Variants in CASP9 observed in about 807,000 individuals in gnomAD.
CASP9 encodes the protein caspase 9.
Under a neutral mutation model 43.5 loss-of-function variants are expected in CASP9, and 29 were observed. The observed-to-expected ratio is 0.67, with a 90% CI of 0.50 to 0.91. CASP9 has a LOEUF of 0.91. CASP9 is among the 40% of genes least tolerant of loss of function. The pLI is 0.00. For synonymous variants in CASP9, 206 were observed against 211.9 expected, an observed-to-expected ratio of 0.97 and a Z score of 0.24; for missense variants, 575 against 537.4, an observed-to-expected ratio of 1.07 and a Z score of -0.69.
intron 8 of CASP9, chr1:15,493,429 GGC>G: frequency 8.0e-7 from 1 of 1,247,776 alleles, no homozygotes; most frequent in Non-Finnish European, 1.0e-6. Flanking sequence ...AGTAGGACTG[GGC>G]CTATCAGGCC....
At chr1:15,505,399 C>T (rs918948421) in intron 5 of CASP9, among the ~76,000 whole-genome samples, 10 of 152,280 alleles carry the variant, frequency 6.6e-5, no homozygotes, top group East Asian at 5.8e-4. Context: ...CAGACCTTTG[C>T]GGTTTGTCAA....
intron 2 of CASP9, among the ~76,000 whole-genome samples, chr1:15,509,310 A>G (rs1709644815): frequency 6.6e-6 from 1 of 152,084 alleles, no homozygotes; most frequent in African/African-American, 2.4e-5. Flanking sequence ...TGATACACGC[A>G]ATGCGGGATA....
rs883664 is a variant in CASP9 at position 15,492,558 on chromosome 1, G to C, written c.*385C>G. 1.6e-3 allele frequency: 300 copies of C among 188,864 alleles called. 1 individual carries two copies. The highest frequency in any genetic ancestry group is 6.7e-3 in the African/African-American group (287 of 42,932). 11.7% of individuals were successfully genotyped at this position (188,864 alleles called of 1,614,324 possible). A position where few individuals can be genotyped will look rare whatever the true frequency, so the allele number is the denominator to read the frequency against. On this transcript the variant is annotated 3_prime_UTR_variant, in exon 9 of 9. Coordinates refer to ENST00000333868, the MANE Select transcript of CASP9 (RefSeq NM_001229.5). ...GACGCGTTACTGGCATTGAGGCAAG[G>C]GACAGTGCTGAACATCCCACAATGT... is the stretch of plus-strand genomic sequence containing the variant.
chr1:15,493,106 T>TG (rs1708953232), intron 8 of CASP9, 71 bp from the exon 9 acceptor site: 3 of 1,599,632 alleles, frequency 1.9e-6, no homozygotes. Context: ...CAAGAGGGGC[T>TG]GGGGGGAATG....
intron 6 of CASP9, among the ~76,000 whole-genome samples, chr1:15,497,021 G>T (rs940118630): frequency 7.2e-5 from 11 of 151,978 alleles, no homozygotes; most frequent in Non-Finnish European, 1.6e-4. Context: ...TCTCAAAAAA[G>T]AAAAAGAGCC....
In CASP9 at chr1:15,508,435, G is replaced by A. The variant is rs185489918; in HGVS notation, c.419-528C>T. On this transcript the variant is annotated intron_variant, in intron 2 of 8. Transcript: ENST00000333868. The stretch of plus-strand genomic sequence containing the variant: ...CTTTTTTCTTTTTCTTTTTTGAGAC[G>A]GAGTTTCACTCTTGTCGCCCAGGCA... Among the ~76,000 whole-genome samples the A allele has an allele frequency of 3.3e-4, 50 of 151,238 alleles. No homozygotes were observed. The East Asian group carries it at 8.4e-3, about 25-fold the overall frequency.
chr1:15,524,779 C>T (rs28457091), upstream of CASP9: 5 of 1,009,832 alleles, frequency 5.0e-6, no homozygotes, highest in African/African-American at 7.1e-5. Flanking sequence ...GCCCACTCCC[C>T]GGGACGCATC....
chr1:15,494,928 C>T (rs1239593877), intron 7 of CASP9, among the ~76,000 whole-genome samples: 2 of 151,730 alleles, frequency 1.3e-5, no homozygotes, highest in African/African-American at 2.4e-5. Context: ...CTACGTGCCC[C>T]GCACTGTGCT....
chr1:15,524,785 G>A (rs1710385155), upstream of CASP9: 1 of 992,918 alleles, frequency 1.0e-6, no homozygotes, highest in Non-Finnish European at 1.2e-6. Flanking sequence ...TCCCCGGGAC[G>A]CATCTAGAAG....
chr1:15,510,131 TG>T (rs1709700939), intron 2 of CASP9, among the ~76,000 whole-genome samples: 1 of 152,182 alleles, frequency 6.6e-6, no homozygotes, highest in Non-Finnish European at 1.5e-5. Flanking sequence ...GGTTTCACCA[TG>T]TTAGCCAGGC....
chr1:15,501,650 G>A (rs374192928), intron 6 of CASP9, among the ~76,000 whole-genome samples: 2 of 152,222 alleles, frequency 1.3e-5, no homozygotes, highest in Non-Finnish European at 2.9e-5. Context: ...GCAAGGACCC[G>A]ACTCCAAAGG....
At chr1:15,502,127 G>C (rs1709352682) in intron 6 of CASP9, among the ~76,000 whole-genome samples, 1 of 152,134 alleles carries the variant, frequency 6.6e-6, no homozygotes, top group African/African-American at 2.4e-5. Flanking sequence ...CCAGGCTGGG[G>C]GCCTGGCTGC....
At chr1:15,518,065 G>T (rs2103373953) in intron 2 of CASP9, 45 bp downstream of exon 2, 1 of 1,598,216 alleles carries the variant, frequency 6.3e-7, no homozygotes, top group Non-Finnish European at 8.6e-7. Flanking sequence ...AGTCCCAAAT[G>T]ACTACGTGTC....
intron 6 of CASP9, among the ~76,000 whole-genome samples, chr1:15,497,101 G>T (rs1287384445): frequency 1.3e-5 from 2 of 151,064 alleles, no homozygotes; most frequent in Admixed American, 1.3e-4. Flanking sequence ...CCTGAGGTCA[G>T]GAGTTTGAAA....
chr1:15,524,320 C>A, upstream of CASP9: 1 of 1,448,920 alleles, frequency 6.9e-7, no homozygotes, highest in Non-Finnish European at 9.0e-7. Context: ...GGCCCCGGGT[C>A]AGTCTTCGCT....
chr1:15,493,714 G>A (rs946644639), intron 8 of CASP9, 178 bp downstream of exon 8: 5 of 1,490,980 alleles, frequency 3.4e-6, no homozygotes, highest in Non-Finnish European at 2.7e-6. Context: ...GTCACCACAG[G>A]CAGGATGCCT....
chr1:15,508,357 C>T (rs1383908614), intron 2 of CASP9, among the ~76,000 whole-genome samples: 4 of 152,156 alleles, frequency 2.6e-5, no homozygotes, highest in Admixed American at 1.3e-4. Flanking sequence ...AAACAGTCCT[C>T]GGCAGAATTT....
chr1:15,522,722 G>T (rs777172398), intron 1 of CASP9, among the ~76,000 whole-genome samples: 3 of 152,158 alleles, frequency 2.0e-5, no homozygotes, highest in Admixed American at 2.0e-4. Context: ...CAAAATAAGT[G>T]TAAGATGTGG....
Position 15,505,997 on chromosome 1 carries a change from C to A in CASP9, c.713G>T (p.Gly238Val). The change falls in exon 5 of 9, where the codon GGC (glycine) becomes GTC (valine). Residue 238 changes from glycine to valine, a missense_variant. By Grantham distance (109) the Gly-to-Val change is moderately radical. Coordinates refer to ENST00000333868, the MANE Select transcript of CASP9 (RefSeq NM_001229.5). ...DCCVVVILSHGCQASHLQFPG... is the reference protein window; with the variant it reads ...DCCVVVILSHVCQASHLQFPG... ...CAGTGGGAGGCTTCCTACCTGACAG[C>A]CGTGAGAGAGAATGACCACCACGCA... 1 of 1,613,730 alleles carries A rather than the reference C, an allele frequency of 6.2e-7. No homozygotes were observed. The highest frequency in any genetic ancestry group is 8.5e-7 in the Non-Finnish European group (1 of 1,179,608).
Sources: gnomAD v4.1 joint callset for allele counts (sites outside exome capture counted in the v4.1 genomes callset) on GRCh38, gnomAD v4.1.1 for gene constraint, MANE v1.5 for transcripts, NCBI Gene and HGNC (gene_info 2026-07-23, HGNC 2026-07-21) for gene names.